FAM186A: variants seen among roughly 807,000 people sequenced by gnomAD.
FAM186A encodes protein FAM186A.
Under a neutral mutation model 216.8 loss-of-function variants are expected in FAM186A, and 163 were observed. The ratio of observed to expected loss-of-function variants is 0.75; its 90% confidence interval spans 0.66 to 0.86. FAM186A has a LOEUF of 0.86. FAM186A is among the 40% of genes least tolerant of loss of function. FAM186A has a pLI of 0.00. For synonymous variants in FAM186A, 805 were observed against 1,025.3 expected (o/e 0.79, Z 4.10); for missense variants, 2,184 against 2,746.2 (o/e 0.80, Z 4.58).
intron 2 of FAM186A, among the ~76,000 whole-genome samples, chr12:50,362,620 T>G (rs907665537): frequency 2.0e-5 from 3 of 151,826 alleles, no homozygotes; most frequent in African/African-American, 7.3e-5. Flanking sequence ...GCTGCATGCC[T>G]CTGGTCCCAG....
chr12:50,356,360 T>C, intron 3 of FAM186A, 112 bp from the exon 4 acceptor site: 1 of 790,196 alleles, frequency 1.3e-6, no homozygotes, highest in African/African-American at 1.8e-5. Flanking sequence ...TAATTAAATA[T>C]AAGATAAAGA....
At chr12:50,372,994 G>GGAAGGAAGGAAGGAAA (rs1491450637) in intron 1 of FAM186A, among the ~76,000 whole-genome samples, 7 of 59,522 alleles carry the variant, frequency 1.2e-4, no homozygotes, top group Non-Finnish European at 2.3e-4. Flanking sequence ...AAGGAAGGAA[G>GGAAGGAAGGAAGGAAA]GAATGAAAGA....
intron 1 of FAM186A, among the ~76,000 whole-genome samples, chr12:50,370,123 CAAAAAAAAAAA>C (rs56403101): frequency 2.6e-5 from 1 of 38,442 alleles, no homozygotes; most frequent in South Asian, 2.5e-3. Flanking sequence ...GACTCCATCT[CAAAAAAAAAAA>C]AAAAAAAAAA....
chr12:50,377,601 G>T (rs1178130860), intron 1 of FAM186A, among the ~76,000 whole-genome samples: 1 of 152,148 alleles, frequency 6.6e-6, no homozygotes, highest in Admixed American at 6.6e-5. Flanking sequence ...GGGAGGCCGA[G>T]GCAGGTGGAT....
chr12:50,339,530 C>A (rs1162518697), intron 4 of FAM186A, among the ~76,000 whole-genome samples: 1 of 152,108 alleles, frequency 6.6e-6, no homozygotes, highest in African/African-American at 2.4e-5. Flanking sequence ...GAGCTTTACT[C>A]TTCTTAAATC....
Position 50,351,548 on chromosome 12 carries a change from T to C in FAM186A, c.5284A>G (p.Ile1762Val). ...CCTTGGTTGAGGGGAACCCTTGATA[T>C]CTGCAAAGGAGTAGAAGAGACCCCG... Reference protein sequence around the residue: ...IFGVSSTPLQISRVPLNQGPF... With the variant: ...IFGVSSTPLQVSRVPLNQGPF... The change falls in exon 4 of 8, where the codon ATA becomes GTA. Residue 1762 changes from isoleucine to valine, a missense_variant. By Grantham distance (29) the Ile-to-Val change is conservative (BLOSUM62 3). Coordinates refer to ENST00000327337, the MANE Select transcript of FAM186A (RefSeq NM_001145475.3). 1 of 1,536,164 alleles carries C rather than the reference T, an allele frequency of 6.5e-7. No homozygotes were observed. The highest frequency in any genetic ancestry group is 8.8e-7 in the Non-Finnish European group (1 of 1,140,082).
rs1458371366 is a variant in FAM186A, at chr12:50,351,407, T to C, written c.5425A>G (p.Thr1809Ala). Residue 1809 changes from threonine (T) to alanine (A), a missense_variant, in exon 4 of 8, where the codon ACT becomes GCT. Transcript: ENST00000327337. ...GQTLVYGGQS[T>A]SAQFPAPQAP... ...TGTGGTGCCGGGAACTGCGCAGAAGTGGATTGACCTCCGTATACCAGGGTC... is the reference window on the plus strand; with the variant it reads ...TGTGGTGCCGGGAACTGCGCAGAAGCGGATTGACCTCCGTATACCAGGGTC... 3 of 1,466,864 alleles carry C rather than the reference T, an allele frequency of 2.0e-6. No homozygotes were observed. Among genetic ancestry groups the C allele is most frequent in the Non-Finnish European group, 2.7e-6 (3 of 1,110,248 alleles). The allele number at this position is 1,466,864 out of a possible 1,614,324, so 90.9% of individuals were successfully genotyped here.
At chr12:50,360,215 G>T (rs900500264) in intron 3 of FAM186A, among the ~76,000 whole-genome samples, 8 of 145,994 alleles carry the variant, frequency 5.5e-5, no homozygotes, top group African/African-American at 1.8e-4. Flanking sequence ...CTGCACTCCA[G>T]CCTGGGTAAC....
intron 4 of FAM186A, among the ~76,000 whole-genome samples, chr12:50,344,650 G>A (rs1452758558): frequency 6.6e-6 from 1 of 152,112 alleles, no homozygotes; most frequent in Non-Finnish European, 1.5e-5. Flanking sequence ...GCTGGGTCAA[G>A]TGGTAGATCT....
intron 4 of FAM186A, among the ~76,000 whole-genome samples, chr12:50,347,629 G>A (rs1418667099): frequency 1.3e-5 from 2 of 151,594 alleles, no homozygotes; most frequent in Non-Finnish European, 2.9e-5. Context: ...AGAGGCTGAG[G>A]GCAGGAGAAT....
chr12:50,373,048 A>AAAGG (rs1943162376), intron 1 of FAM186A, among the ~76,000 whole-genome samples: 5 of 150,238 alleles, frequency 3.3e-5, no homozygotes, highest in Non-Finnish European at 5.9e-5. Context: ...AGAAAGAAAG[A>AAAGG]AAGAAAGAAA....
chr12:50,342,458 T>C (rs1359089471), intron 4 of FAM186A, among the ~76,000 whole-genome samples: 2 of 151,282 alleles, frequency 1.3e-5, no homozygotes, highest in Non-Finnish European at 2.9e-5. Context: ...ATTTTTTATT[T>C]TTTATTTTAT....
At chr12:50,369,852 C>T (rs144716494) in intron 1 of FAM186A, among the ~76,000 whole-genome samples, 1,617 of 151,678 alleles carry the variant, frequency 0.011, 9 homozygotes, top group Middle Eastern at 0.014. Context: ...AGGCCGGGCG[C>T]GGTGGCTCAC....
chr12:50,344,019 T>C (rs1942789078), intron 4 of FAM186A, among the ~76,000 whole-genome samples: 1 of 150,310 alleles, frequency 6.7e-6, no homozygotes, highest in South Asian at 2.1e-4. Context: ...CCCAAAGTAC[T>C]AGGATTACAG....
Position 50,355,213 on chromosome 12 carries a change from C to T in FAM186A, c.1619G>A (p.Ser540Asn). Residue 540 changes from serine (S) to asparagine (N), a missense_variant, in exon 4 of 8, where the codon AGT becomes AAT. Ser to Asn is a conservative substitution (Grantham distance 46, BLOSUM62 1). This residue lies in a region of FAM186A where 1,132 missense variants were observed against 1,263.4 expected (regional missense o/e 0.90). Transcript: ENST00000327337. ...CCTAAATTGCTCCAACATCATCATACTTGTTCCACTTTTGCCACCTTGGCT... is the reference window on the plus strand; with the variant it reads ...CCTAAATTGCTCCAACATCATCATATTTGTTCCACTTTTGCCACCTTGGCT... ...TKSQGGKSGT[S>N]MMMLEQFRKV... is the part of the protein sequence containing the mutation. The T allele has an allele frequency of 1.3e-6, 2 of 1,551,732 alleles. No individual in the cohort carries two copies. The highest frequency in any genetic ancestry group is 2.4e-5 in the South Asian group (2 of 84,064).
chr12:50,367,315 G>A (rs1046784686), intron 1 of FAM186A, among the ~76,000 whole-genome samples: 11 of 151,640 alleles, frequency 7.3e-5, no homozygotes, highest in African/African-American at 2.7e-4. Flanking sequence ...TCAGGAGATC[G>A]AGACCATCCT....
At chr12:50,344,978 G>A (rs986384801) in intron 4 of FAM186A, among the ~76,000 whole-genome samples, 11 of 151,992 alleles carry the variant, frequency 7.2e-5, no homozygotes, top group South Asian at 2.1e-4. Context: ...AAGGCCGAGC[G>A]CGGTGGCTCA....
At chr12:50,383,543 C>T (rs1943274557) in intron 1 of FAM186A, among the ~76,000 whole-genome samples, 1 of 151,834 alleles carries the variant, frequency 6.6e-6, no homozygotes, top group African/African-American at 2.4e-5. Context: ...TTGCAGTGAG[C>T]CAAGATCGCG....
chr12:50,354,359 G>A lies in FAM186A; in HGVS notation c.2473C>T (p.Gln825Ter), dbSNP rs1453025525. 1.3e-6 allele frequency: 2 copies of A among 1,551,384 alleles called. No individual in the cohort carries two copies. The highest frequency in any genetic ancestry group is 8.7e-7 in the Non-Finnish European group (1 of 1,146,994). Residue 825 changes from glutamine to a stop codon, truncating the protein, a stop_gained, in exon 4 of 8, where the codon CAA becomes TAA. Coordinates refer to ENST00000327337, the MANE Select transcript of FAM186A (RefSeq NM_001145475.3). LOFTEE classifies it high-confidence loss of function. ...TGTTCTTGACCCTCTTGCAAATATT[G>A]CTCCTGCCTTTGTTTTTCCTTCTCC... ...HKEKEKQRQE[Q>*]YLQEGQEQMS...
Sources: gnomAD v4.1 joint callset for allele counts (sites outside exome capture counted in the v4.1 genomes callset) on GRCh38, gnomAD v4.1.1 for gene constraint, gnomAD v4.1.1 regional missense constraint, MANE v1.5 for transcripts, NCBI Gene and HGNC (gene_info 2026-07-23, HGNC 2026-07-21) for gene names.